The following PCP4 variants were observed in gnomAD, a reference collection of about 807,000 sequenced individuals.
The protein encoded by PCP4 is calmodulin regulator protein PCP4.
In PCP4, 8 loss-of-function variants were observed where a neutral mutation model predicts 10.0. The observed-to-expected ratio is 0.80, with a 90% CI of 0.47 to 1.45. The LOEUF (loss-of-function observed/expected upper bound fraction) is 1.45. PCP4 is among the 40% of genes most tolerant of loss of function. The probability of loss-of-function intolerance (pLI) is 0.00; values close to 1 mark genes in which losing one functional copy is unlikely to be tolerated. For missense variants in PCP4, 54 were observed against 74.4 expected, an observed-to-expected ratio of 0.73 and a Z score of 1.01; for synonymous variants, 21 against 23.0, an observed-to-expected ratio of 0.91 and a Z score of 0.24.
At chr21:39,896,690 T>C (rs1225506126) in intron 1 of PCP4, among the ~76,000 whole-genome samples, 1 of 152,222 alleles carries the variant, frequency 6.6e-6, no homozygotes, top group Non-Finnish European at 1.5e-5. Flanking sequence ...AATATAAATC[T>C]GGATCATTTA....
In PCP4 at chr21:39,907,855, A is replaced by G. The variant is rs910257049; in HGVS notation, c.61+9328A>G. Among the ~76,000 whole-genome samples the G allele has an allele frequency of 2.6e-5, 4 of 152,176 alleles. No individual in the cohort carries two copies. In the East Asian group the frequency reaches 7.7e-4, roughly 29 times the overall value. ...CCGTTGGACTTTCCCAGCCAAAACT[A>G]CAGAGCAATGATTAGGTGGAGCAGG... On this transcript the variant is annotated intron_variant, in intron 2 of 2. Coordinates refer to ENST00000328619, the MANE Select transcript of PCP4 (RefSeq NM_006198.3).
At chr21:39,916,800 C>T (rs1031324659) in intron 2 of PCP4, among the ~76,000 whole-genome samples, 12 of 152,156 alleles carry the variant, frequency 7.9e-5, no homozygotes, top group African/African-American at 2.2e-4. Flanking sequence ...TTTGCAGGGA[C>T]GTGGATGGAG....
chr21:39,892,713 AT>A (rs1313724842), intron 1 of PCP4, among the ~76,000 whole-genome samples: 1 of 152,198 alleles, frequency 6.6e-6, no homozygotes, highest in Non-Finnish European at 1.5e-5. Context: ...GTTACAAACA[AT>A]TCAAGTACAC....
At chr21:39,882,011 C>T (rs1047465267) in intron 1 of PCP4, among the ~76,000 whole-genome samples, 3 of 152,186 alleles carry the variant, frequency 2.0e-5, no homozygotes, top group African/African-American at 7.2e-5. Flanking sequence ...CAGTAGCCAC[C>T]TTGTAGTAGG....
At chr21:39,880,524 A>G (rs1326649385) in intron 1 of PCP4, among the ~76,000 whole-genome samples, 2 of 152,200 alleles carry the variant, frequency 1.3e-5, no homozygotes, top group Non-Finnish European at 2.9e-5. Context: ...TAAAGGCCAT[A>G]TAAATGCTAA....
chr21:39,885,710 C>T (rs2087397445), intron 1 of PCP4, among the ~76,000 whole-genome samples: 2 of 152,246 alleles, frequency 1.3e-5, no homozygotes, highest in Admixed American at 1.3e-4. Context: ...CCTCTCCCTC[C>T]CCTGGGACAG....
At position 39,898,274 on chromosome 21, in the gene PCP4, G is replaced by A. The variant is rs531831790; in HGVS notation, c.10-202G>A. The A allele has an allele frequency of 3.0e-4, 189 of 624,738 alleles. 1 individual carries two copies. The East Asian group carries it at 4.9e-3, about 16-fold the overall frequency. 38.7% of individuals were successfully genotyped at this position (624,738 alleles called of 1,614,324 possible). On this transcript the variant is annotated intron_variant, in intron 1 of 2. Transcript: ENST00000328619. The stretch of plus-strand genomic sequence containing the variant: ...TTCCTAGAGCAGTGGATGTGGATGA[G>A]GGGGCCGGTCTGTGCAGCTTCAGTA...
intron 2 of PCP4, among the ~76,000 whole-genome samples, chr21:39,924,745 T>C (rs1417653483): frequency 6.6e-6 from 1 of 152,116 alleles, no homozygotes; most frequent in African/African-American, 2.4e-5. Context: ...GTAGAAACGG[T>C]GTCTCCATAT....
At chr21:39,926,707 C>T (rs1450037586) in intron 2 of PCP4, among the ~76,000 whole-genome samples, 4 of 152,214 alleles carry the variant, frequency 2.6e-5, no homozygotes, top group Admixed American at 6.5e-5. Context: ...GTTTGCTAGA[C>T]ACTTGACCTC....
At chr21:39,876,675 A>C (rs1201449745) in intron 1 of PCP4, among the ~76,000 whole-genome samples, 1 of 152,250 alleles carries the variant, frequency 6.6e-6, no homozygotes, top group East Asian at 1.9e-4. Context: ...GATATTAGCT[A>C]TGAATGAAAC....
At chr21:39,901,758 T>C (rs1244910324) in intron 2 of PCP4, among the ~76,000 whole-genome samples, 1 of 152,252 alleles carries the variant, frequency 6.6e-6, no homozygotes, top group Admixed American at 6.5e-5. Flanking sequence ...AATGGCAATG[T>C]ATAAATGTAA....
chr21:39,882,427 G>C (rs1486676983), intron 1 of PCP4, among the ~76,000 whole-genome samples: 1 of 152,116 alleles, frequency 6.6e-6, no homozygotes, highest in Non-Finnish European at 1.5e-5. Context: ...GAGTACACCC[G>C]GCATGGCATT....
At chr21:39,893,901 G>T (rs2087445337) in intron 1 of PCP4, among the ~76,000 whole-genome samples, 1 of 152,148 alleles carries the variant, frequency 6.6e-6, no homozygotes, top group Non-Finnish European at 1.5e-5. Context: ...TGATGATGTA[G>T]ATAGACACAG....
chr21:39,889,220 A>G (rs1287125801), intron 1 of PCP4, among the ~76,000 whole-genome samples: 1 of 152,104 alleles, frequency 6.6e-6, no homozygotes, highest in African/African-American at 2.4e-5. Context: ...TTTGGTGGCC[A>G]CATAGGCAAG....
chr21:39,892,531 C>A (rs988594750), intron 1 of PCP4, among the ~76,000 whole-genome samples: 6 of 151,938 alleles, frequency 3.9e-5, no homozygotes, highest in Non-Finnish European at 7.4e-5. Flanking sequence ...ACTGCAAGAT[C>A]AGCATTTAGA....
rs1454740200 is a variant in PCP4 at position 39,906,019 on chromosome 21, C to T, written c.61+7492C>T. Among the ~76,000 whole-genome samples, 4 of 152,220 alleles carry T rather than the reference C, an allele frequency of 2.6e-5. No individual in the cohort carries two copies. Among genetic ancestry groups the T allele is most frequent in the African/African-American group, 4.8e-5 (2 of 41,456 alleles). On this transcript the variant is annotated intron_variant, in intron 2 of 2. Transcript: ENST00000328619. The surrounding 1 kb of genome is among the most constrained non-coding windows in gnomAD (Gnocchi z 6.3). Reference sequence around the variant, plus strand: ...GAGCCGAGACCATGCCACTGCACTCCAACCTGGGTGACAGAGCGAGACTCC... The same window carrying T: ...GAGCCGAGACCATGCCACTGCACTCTAACCTGGGTGACAGAGCGAGACTCC...
chr21:39,888,602 G>C (rs1475886166), intron 1 of PCP4, among the ~76,000 whole-genome samples: 1 of 152,240 alleles, frequency 6.6e-6, no homozygotes, highest in Non-Finnish European at 1.5e-5. Flanking sequence ...GCTGACAGCG[G>C]TGTGAGTTAG....
At position 39,929,003 on chromosome 21, in the gene PCP4, A is replaced by G; in HGVS notation, c.81A>G (p.Gln27=). The G allele has an allele frequency of 6.2e-7, 1 of 1,613,148 alleles. No homozygotes were observed. The highest frequency in any genetic ancestry group is 8.5e-7 in the Non-Finnish European group (1 of 1,179,586). ...CTACAGATGGACAGAAGAAAGTTCA[A>G]GAAGAATTTGACATTGACATGGATG... ...SGENDGQKKV[Q]EEFDIDMDAP... The change falls in exon 3 of 3, where the codon CAA becomes CAG. Residue 27 remains glutamine, a synonymous_variant. Transcript: ENST00000328619.
intron 1 of PCP4, among the ~76,000 whole-genome samples, chr21:39,893,308 C>A (rs139133054): frequency 6.0e-4 from 91 of 152,334 alleles, no homozygotes; most frequent in African/African-American, 2.1e-3. Flanking sequence ...TACCTTTAAA[C>A]ACCTCTCCTG....
Sources: gnomAD v4.1 joint callset for allele counts (sites outside exome capture counted in the v4.1 genomes callset) on GRCh38, gnomAD v4.1.1 for gene constraint, Gnocchi (gnomAD v3.1) non-coding constraint, MANE v1.5 for transcripts, NCBI Gene and HGNC (gene_info 2026-07-23, HGNC 2026-07-21) for gene names.